The following ARHGEF18 variants were observed in gnomAD, a reference collection of about 807,000 sequenced individuals.
ARHGEF18 encodes the protein Rho/Rac guanine nucleotide exchange factor 18.
In ARHGEF18, 93 loss-of-function variants were observed where a neutral mutation model predicts 155.7. The ratio of observed to expected loss-of-function variants is 0.60; its 90% CI spans 0.50 to 0.71. The LOEUF (loss-of-function observed/expected upper bound fraction) is 0.71. Among genes scored for constraint, ARHGEF18 ranks in the 30% least tolerant of loss-of-function variants. The pLI is 0.00. For missense variants in ARHGEF18, 1,593 were observed against 1,816.1 expected (o/e 0.88, Z 2.23); for synonymous variants, 742 against 753.1 (o/e 0.99, Z 0.24).
At chr19:7,420,970 G>A (rs746891) in intron 10 of ARHGEF18, among the ~76,000 whole-genome samples, 95,700 of 152,014 alleles carry the variant, frequency 0.63, 30,399 homozygotes, top group East Asian at 0.78. Context: ...TTGCTCTGTC[G>A]CCCAGGCTGG....
In ARHGEF18 at chr19:7,426,344, G is replaced by A. The variant is rs376793098; in HGVS notation, c.968-14000G>A. 5.9e-5 allele frequency among the ~76,000 whole-genome samples: 9 copies of A among 151,358 alleles called. No individual in the cohort carries two copies. The East Asian group carries it at 1.8e-3, about 30-fold the overall frequency. ...TCTACTAAAAATAGAAAAATTAGCCGGGCGTGGTGGAACGTGCCTGTCGTC... is the reference window on the plus strand; with the variant it reads ...TCTACTAAAAATAGAAAAATTAGCCAGGCGTGGTGGAACGTGCCTGTCGTC... On this transcript the variant is annotated intron_variant, in intron 10 of 28. Coordinates refer to ENST00000668164, the MANE Select transcript of ARHGEF18 (RefSeq NM_001367823.1).
At chr19:7,417,651 C>T (rs1408540119) in intron 10 of ARHGEF18, among the ~76,000 whole-genome samples, 1 of 152,120 alleles carries the variant, frequency 6.6e-6, no homozygotes, top group Non-Finnish European at 1.5e-5. Context: ...GAGCTGAGAT[C>T]GCACCATTGT....
intron 10 of ARHGEF18, among the ~76,000 whole-genome samples, chr19:7,389,258 C>T (rs1971254455): frequency 2.0e-5 from 3 of 151,846 alleles, no homozygotes; most frequent in Admixed American, 1.3e-4. Context: ...TCAAGCAATC[C>T]TCCCACCCTA....
chr19:7,383,353 AT>A, intron 10 of ARHGEF18, 150 bp downstream of exon 10: 1 of 878,034 alleles, frequency 1.1e-6, no homozygotes, highest in Non-Finnish European at 1.5e-6. Flanking sequence ...AGAACCAGGG[AT>A]CAGTCCCTGG....
At chr19:7,446,426 G>A (rs1974994443) in intron 14 of ARHGEF18, among the ~76,000 whole-genome samples, 2 of 151,956 alleles carry the variant, frequency 1.3e-5, no homozygotes, top group South Asian at 4.1e-4. Context: ...TATTTTAGCA[G>A]AGTCAGACAA....
intron 3 of ARHGEF18, among the ~76,000 whole-genome samples, chr19:7,373,773 C>T (rs1211769315): frequency 2.0e-5 from 3 of 151,676 alleles, no homozygotes; most frequent in East Asian, 1.9e-4. Flanking sequence ...CGCACCCAGC[C>T]TAGATTCTCA....
intron 10 of ARHGEF18, among the ~76,000 whole-genome samples, chr19:7,394,782 C>T (rs904029589): frequency 6.6e-6 from 1 of 152,186 alleles, no homozygotes; most frequent in Non-Finnish European, 1.5e-5. Context: ...AAACGCCCAC[C>T]TAACCCTGCT....
chr19:7,387,013 C>T (rs1165792620), intron 10 of ARHGEF18, among the ~76,000 whole-genome samples: 4 of 152,110 alleles, frequency 2.6e-5, no homozygotes, highest in South Asian at 2.1e-4. Context: ...TGTGTCCCTG[C>T]GTTTTTCTGG....
At chr19:7,432,605 T>A (rs1974028579) in intron 10 of ARHGEF18, among the ~76,000 whole-genome samples, 1 of 152,104 alleles carries the variant, frequency 6.6e-6, no homozygotes, top group South Asian at 2.1e-4. Context: ...CCTCCCAAAG[T>A]ACTCAGATTA....
intron 2 of ARHGEF18, among the ~76,000 whole-genome samples, chr19:7,365,646 G>A (rs973770933): frequency 1.6e-4 from 25 of 152,306 alleles, no homozygotes; most frequent in African/African-American, 6.0e-4. Flanking sequence ...CAGCAAGGCT[G>A]TGCCCCCACC....
chr19:7,430,956 C>T (rs1363562367), intron 10 of ARHGEF18, among the ~76,000 whole-genome samples: 1 of 152,036 alleles, frequency 6.6e-6, no homozygotes, highest in Non-Finnish European at 1.5e-5. Flanking sequence ...CACTTGAGTC[C>T]AGGAGTTCGA....
At chr19:7,451,404 CT>C (rs35473770) in intron 16 of ARHGEF18, 138 bp downstream of exon 16, 67,447 of 374,454 alleles carry the variant, frequency 0.18, 1,303 homozygotes, top group African/African-American at 0.26. Flanking sequence ...GGGTTCCTTC[CT>C]TTTTTTTTTT....
intron 2 of ARHGEF18, among the ~76,000 whole-genome samples, chr19:7,366,293 C>T (rs939247983): frequency 6.6e-6 from 1 of 152,200 alleles, no homozygotes; most frequent in African/African-American, 2.4e-5. Context: ...CCCTCCCTAC[C>T]ACCACTATTG....
chr19:7,464,246 C>T (rs1456363296), intron 22 of ARHGEF18, among the ~76,000 whole-genome samples: 1 of 152,168 alleles, frequency 6.6e-6, no homozygotes, highest in Non-Finnish European at 1.5e-5. Flanking sequence ...CCATGTTGGC[C>T]AGGCTGGTCT....
At chr19:7,382,764 C>G (rs1970807190) in intron 8 of ARHGEF18, 28 bp from the exon 9 acceptor site, 1 of 1,230,650 alleles carries the variant, frequency 8.1e-7, no homozygotes, top group Admixed American at 4.2e-5. Flanking sequence ...CTGGCCCCCT[C>G]TAGTGGACCT....
intron 27 of ARHGEF18, 151 bp from the exon 28 acceptor site, chr19:7,469,753 T>C (rs2145922355): frequency 1.1e-6 from 1 of 881,200 alleles, no homozygotes; most frequent in Non-Finnish European, 1.7e-6. Context: ...ATCTGGGGCT[T>C]AGCATCTGAG....
chr19:7,412,873 CTCT>C (rs1263592560), intron 10 of ARHGEF18, among the ~76,000 whole-genome samples: 2 of 151,736 alleles, frequency 1.3e-5, no homozygotes, highest in Non-Finnish European at 1.5e-5. Context: ...TCGTTTGTAT[CTCT>C]TCTTTGGAGA....
At chr19:7,410,679 A>G (rs11878457) in intron 10 of ARHGEF18, among the ~76,000 whole-genome samples, 115,147 of 151,178 alleles carry the variant, frequency 0.76, 44,247 homozygotes, top group African/African-American at 0.84. Context: ...GTGTGGTGGC[A>G]TGCACCTATA....
At chr19:7,371,944 T>C (rs553780994) in intron 2 of ARHGEF18, among the ~76,000 whole-genome samples, 1 of 152,274 alleles carries the variant, frequency 6.6e-6, no homozygotes, top group East Asian at 1.9e-4. Context: ...GGGCAAACCC[T>C]GCGTAGCTCC....
Sources: allele counts gnomAD v4.1 joint callset (sites outside exome capture counted in the v4.1 genomes callset), GRCh38; gene constraint gnomAD v4.1.1; transcripts MANE v1.5; gene names NCBI Gene and HGNC (gene_info 2026-07-23, HGNC 2026-07-21).